The following WDR25 variants were observed in gnomAD, a reference collection of about 807,000 sequenced individuals.
The protein encoded by WDR25 is WD repeat-containing protein 25.
In WDR25, 35 loss-of-function variants were observed where a neutral mutation model predicts 47.7. That is an observed-to-expected ratio of 0.73 (90% CI 0.56 to 0.97). WDR25 has a LOEUF of 0.97. Among genes scored for constraint, WDR25 ranks in the 50% least tolerant of loss-of-function variants. The pLI is 0.00. For missense variants in WDR25, 634 were observed against 704.7 expected (o/e 0.90, Z 1.14); for synonymous variants, 248 against 278.9 (o/e 0.89, Z 1.10).
chr14:100,399,544 G>T (rs763238126), intron 2 of WDR25, among the ~76,000 whole-genome samples: 1 of 151,858 alleles, frequency 6.6e-6, no homozygotes, highest in African/African-American at 2.4e-5. Flanking sequence ...TGCCCCTCTC[G>T]CTCTCTCTTG....
chr14:100,478,052 C>T (rs1443746427), intron 3 of WDR25, among the ~76,000 whole-genome samples: 2 of 152,158 alleles, frequency 1.3e-5, no homozygotes, highest in African/African-American at 2.4e-5. Context: ...GATAGCACCA[C>T]TGCACTCCAG....
At chr14:100,420,459 T>G (rs1431367914) in intron 2 of WDR25, among the ~76,000 whole-genome samples, 1 of 152,250 alleles carries the variant, frequency 6.6e-6, no homozygotes, top group Non-Finnish European at 1.5e-5. Flanking sequence ...TCCCTGTTGC[T>G]GAACATTGAG....
chr14:100,524,250 C>T (rs982579443), intron 4 of WDR25, among the ~76,000 whole-genome samples: 7 of 152,050 alleles, frequency 4.6e-5, no homozygotes, highest in South Asian at 2.1e-4. Flanking sequence ...TCATGCCCAC[C>T]GAGAGAAGCT....
At chr14:100,427,298 A>G (rs73347378) in intron 2 of WDR25, among the ~76,000 whole-genome samples, 11,728 of 152,224 alleles carry the variant, frequency 0.077, 1,114 homozygotes, top group African/African-American at 0.23. Flanking sequence ...CATTAGATGC[A>G]TCCACCAGTG....
chr14:100,467,883 A>T, intron 2 of WDR25, 138 bp from the exon 3 acceptor site: 1 of 1,174,332 alleles, frequency 8.5e-7, no homozygotes, highest in Non-Finnish European at 1.2e-6. Context: ...AAAGTTTAAC[A>T]TCTAGATATA....
At position 100,440,546 on chromosome 14, in the gene WDR25, G is replaced by C. The variant is rs559327351; in HGVS notation, c.823-27475G>C. Among the ~76,000 whole-genome samples the C allele has an allele frequency of 6.6e-6, 1 of 152,364 alleles. No homozygotes were observed. The highest frequency in any genetic ancestry group is 6.5e-5 in the Admixed American group (1 of 15,308). ...CTCTCTGGAGGCTGTGCTGAGCACT[G>C]AGGGACACTGGGAGAAAAACACAGG... On this transcript the variant is annotated intron_variant, in intron 2 of 6. Transcript: ENST00000402312. This position sits in a 1 kb window ranked among gnomAD's most constrained non-coding sequence, Gnocchi z 4.4.
intron 2 of WDR25, among the ~76,000 whole-genome samples, chr14:100,463,378 G>A (rs552763374): frequency 6.6e-6 from 1 of 152,286 alleles, no homozygotes; most frequent in East Asian, 1.9e-4. Flanking sequence ...ATGGTGACCA[G>A]CCTCTTTGTC....
intron 1 of WDR25, among the ~76,000 whole-genome samples, chr14:100,377,271 A>AGCTG (rs1166253716): frequency 6.9e-6 from 1 of 144,742 alleles, no homozygotes; most frequent in African/African-American, 2.6e-5. Flanking sequence ...ATTGGAGATG[A>AGCTG]GCTGGCTGGC....
At position 100,529,240 on chromosome 14, in the gene WDR25, T is replaced by C. The variant is rs1186606554; in HGVS notation, c.1413+32T>C. The C allele has an allele frequency of 1.2e-5, 19 of 1,611,714 alleles. No individual in the cohort carries two copies. Among genetic ancestry groups the C allele is most frequent in the Non-Finnish European group, 1.6e-5 (19 of 1,179,532 alleles). On this transcript the variant is annotated intron_variant, in intron 6 of 6. Transcript: ENST00000402312. The surrounding 1 kb of genome is among the most constrained non-coding windows in gnomAD (Gnocchi z 5.1). ...CTGTCCTTGTCCCCCAGGCGAATGC[T>C]GAGCCCCAGCCCCAAGCCTCCTGGC...
chr14:100,504,203 T>C (rs1242211959), intron 4 of WDR25, among the ~76,000 whole-genome samples: 1 of 152,210 alleles, frequency 6.6e-6, no homozygotes, highest in Non-Finnish European at 1.5e-5. Context: ...ATCTAGTAAT[T>C]TGGCAATAAT....
chr14:100,488,568 C>T lies in WDR25; in HGVS notation c.1101+4444C>T, dbSNP rs898791639. Among the ~76,000 whole-genome samples, 2 of 152,116 alleles carry T rather than the reference C, an allele frequency of 1.3e-5. No homozygotes were observed. The highest frequency in any genetic ancestry group is 2.4e-5 in the African/African-American group (1 of 41,434). ...AGGCCAAGCCACGCCTCCAAAGTAG[C>T]GTTTCTCAAACTCACCTGTGTAGGA... On this transcript the variant is annotated intron_variant, in intron 4 of 6. Transcript: ENST00000402312. The surrounding 1 kb of genome is among the most constrained non-coding windows in gnomAD (Gnocchi z 4.2).
intron 2 of WDR25, among the ~76,000 whole-genome samples, chr14:100,427,990 G>A (rs1486224090): frequency 6.6e-6 from 1 of 152,240 alleles, no homozygotes; most frequent in Non-Finnish European, 1.5e-5. Context: ...GTGCCCTCAG[G>A]CTGAGGCTCC....
intron 2 of WDR25, among the ~76,000 whole-genome samples, chr14:100,426,991 G>A (rs530339860): frequency 3.2e-4 from 49 of 152,210 alleles, no homozygotes; most frequent in African/African-American, 1.1e-3. Flanking sequence ...TCACTCGGGG[G>A]CTTGCTTAAA....
Position 100,425,603 on chromosome 14 carries a change from C to T in WDR25, c.823-42418C>T, listed in dbSNP as rs996803445. Among the ~76,000 whole-genome samples the T allele has an allele frequency of 2.6e-5, 4 of 152,328 alleles. No homozygotes were observed. Among genetic ancestry groups the T allele is most frequent in the East Asian group, 1.9e-4 (1 of 5,186 alleles). On this transcript the variant is annotated intron_variant, in intron 2 of 6. Coordinates refer to ENST00000402312, the MANE Select transcript of WDR25 (RefSeq NM_001161476.3). This position sits in a 1 kb window ranked among gnomAD's most constrained non-coding sequence, Gnocchi z 4.8. ...AAACATGAAGCTCATCAGGCAGCAC[C>T]GTCGGACGCTGATGGTGGGGGCTGG...
intron 2 of WDR25, among the ~76,000 whole-genome samples, chr14:100,386,724 T>C (rs571603836): frequency 2.5e-4 from 38 of 151,904 alleles, no homozygotes; most frequent in African/African-American, 7.0e-4. Context: ...AAACCCCGTC[T>C]CTACTAAAAA....
At chr14:100,451,922 C>T (rs539343339) in intron 2 of WDR25, among the ~76,000 whole-genome samples, 2 of 152,316 alleles carry the variant, frequency 1.3e-5, no homozygotes, top group East Asian at 1.9e-4. Context: ...AAGGGAGGTC[C>T]GCTTTCCAAT....
chr14:100,424,861 G>C lies in WDR25; in HGVS notation c.822+43115G>C, dbSNP rs1165745936. ...TGACAAGGAAACTCAGGCTCAACAA[G>C]GTGATGCCTTTCCCAGGACATGTGC... On this transcript the variant is annotated intron_variant, in intron 2 of 6. Coordinates refer to ENST00000402312, the MANE Select transcript of WDR25 (RefSeq NM_001161476.3). The surrounding 1 kb of genome is among the most constrained non-coding windows in gnomAD (Gnocchi z 4.2). Among the ~76,000 whole-genome samples the C allele has an allele frequency of 6.6e-6, 1 of 152,182 alleles. No homozygotes were observed. Among genetic ancestry groups the C allele is most frequent in the African/African-American group, 2.4e-5 (1 of 41,430 alleles).
rs146908690 is a variant in WDR25, at chr14:100,502,901, G to A, written c.1101+18777G>A. Among the ~76,000 whole-genome samples, 2 of 152,112 alleles carry A rather than the reference G, an allele frequency of 1.3e-5. No individual in the cohort carries two copies. Among genetic ancestry groups the A allele is most frequent in the Non-Finnish European group, 2.9e-5 (2 of 68,020 alleles). On this transcript the variant is annotated intron_variant, in intron 4 of 6. Coordinates refer to ENST00000402312, the MANE Select transcript of WDR25 (RefSeq NM_001161476.3). This position sits in a 1 kb window ranked among gnomAD's most constrained non-coding sequence, Gnocchi z 4.5. ...GTAGGCACTAAAGGGCACAACATAT[G>A]AGGGAATGGTGAGGGTTTTTTGTTG...
At chr14:100,515,923 C>A (rs1311109427) in intron 4 of WDR25, among the ~76,000 whole-genome samples, 1 of 151,662 alleles carries the variant, frequency 6.6e-6, no homozygotes, top group Non-Finnish European at 1.5e-5. Flanking sequence ...CAGATGTGAG[C>A]CACCACGCCC....
Sources: gnomAD v4.1 joint callset for allele counts (sites outside exome capture counted in the v4.1 genomes callset) on GRCh38, gnomAD v4.1.1 for gene constraint, Gnocchi (gnomAD v3.1) non-coding constraint, MANE v1.5 for transcripts, NCBI Gene and HGNC (gene_info 2026-07-23, HGNC 2026-07-21) for gene names.